Variants in CLIP1 observed in about 807,000 individuals in gnomAD.
CLIP1 encodes CAP-Gly domain containing linker protein 1, also known as CAP-Gly domain-containing linker protein 1.
In CLIP1, 66 loss-of-function variants were observed where a neutral mutation model predicts 161.6. The observed-to-expected ratio is 0.41, with a 90% CI of 0.33 to 0.50. CLIP1 has a LOEUF of 0.50. CLIP1 is among the 20% of genes least tolerant of loss of function. CLIP1 has a pLI of 0.27. For synonymous variants in CLIP1, 598 were observed against 626.2 expected, an observed-to-expected ratio of 0.96 and a Z score of 0.67; for missense variants, 1,376 against 1,702.0, an observed-to-expected ratio of 0.81 and a Z score of 3.37.
chr12:122,345,943 G>A (rs1043747122), intron 10 of CLIP1, among the ~76,000 whole-genome samples: 2 of 151,930 alleles, frequency 1.3e-5, no homozygotes, highest in Admixed American at 1.3e-4. Flanking sequence ...GTGTCACCAC[G>A]CCCGGATAAT....
chr12:122,352,994 T>TAA (rs55873939), intron 7 of CLIP1, among the ~76,000 whole-genome samples: 2,458 of 138,246 alleles, frequency 0.018, 60 homozygotes, highest in African/African-American at 0.058. Context: ...TCCTTATATT[T>TAA]AAAAAAAAAA....
rs1181508437 is a variant in CLIP1, at chr12:122,311,051, C to T, written c.3474-1169G>A. ...AAGATAAACTGAGAAGGAATTTTAG[C>T]CTCAGCTAGTCACTCACAAAAGAGA... On this transcript the variant is annotated intron_variant, in intron 19 of 25. Coordinates refer to ENST00000620786, the MANE Select transcript of CLIP1 (RefSeq NM_001247997.2). The surrounding 1 kb of genome is among the most constrained non-coding windows in gnomAD (Gnocchi z 4.3). 6.6e-6 allele frequency among the ~76,000 whole-genome samples: 1 copy of T among 152,110 alleles called. No individual in the cohort carries two copies. The highest frequency in any genetic ancestry group is 1.5e-5 in the Non-Finnish European group (1 of 68,024).
Position 122,364,162 on chromosome 12 carries a change from G to A in CLIP1, c.658-55C>T, listed in dbSNP as rs184187536. ...ATGAACATCACTCTATAGCTTAATC[G>A]TTTGTGGTCCCTACTAGTAACTAGG... On this transcript the variant is annotated intron_variant, in intron 3 of 25. Transcript: ENST00000620786. The A allele has an allele frequency of 5.0e-6, 8 of 1,606,766 alleles. No individual in the cohort carries two copies. In the South Asian group the frequency reaches 5.5e-5, roughly 11 times the overall value.
chr12:122,407,113 C>G (rs1956350830), intron 1 of CLIP1, among the ~76,000 whole-genome samples: 1 of 152,128 alleles, frequency 6.6e-6, no homozygotes, highest in African/African-American at 2.4e-5. Context: ...CCCAGAAGAA[C>G]TTACTTAATG....
At position 122,348,400 on chromosome 12, in the gene CLIP1, T is replaced by C. The variant is rs148402577; in HGVS notation, c.1402-921A>G. On this transcript the variant is annotated intron_variant, in intron 9 of 25. Transcript: ENST00000620786. Reference sequence around the variant, plus strand: ...TTATTTTTACCTTAAGATGAAGTTGTTTTTATTAGCTCAGACATAAAAACG... The same window carrying C: ...TTATTTTTACCTTAAGATGAAGTTGCTTTTATTAGCTCAGACATAAAAACG... Among the ~76,000 whole-genome samples the C allele has an allele frequency of 3.8e-3, 573 of 152,310 alleles. 2 individuals are homozygous for C. Among genetic ancestry groups the C allele is most frequent in the African/African-American group, 0.013 (548 of 41,568 alleles).
chr12:122,300,885 C>T lies in CLIP1; in HGVS notation c.3594+8877G>A, dbSNP rs554979471. On this transcript the variant is annotated intron_variant, in intron 20 of 25. Coordinates refer to ENST00000620786, the MANE Select transcript of CLIP1 (RefSeq NM_001247997.2). Reference sequence around the variant, plus strand: ...CACCAAATGATCAAAATTAACATCACCAATAATGGGACAAAGGAACATCAC... The same window carrying T: ...CACCAAATGATCAAAATTAACATCATCAATAATGGGACAAAGGAACATCAC... Among the ~76,000 whole-genome samples, 3 of 152,220 alleles carry T rather than the reference C, an allele frequency of 2.0e-5. No individual in the cohort carries two copies. In the South Asian group the frequency reaches 6.2e-4, roughly 32 times the overall value.
intron 9 of CLIP1, among the ~76,000 whole-genome samples, chr12:122,348,458 C>A (rs1221746843): frequency 6.6e-6 from 1 of 152,178 alleles, no homozygotes; most frequent in Non-Finnish European, 1.5e-5. Flanking sequence ...TTTGAGCTCT[C>A]TCAAAAAGAG....
intron 7 of CLIP1, among the ~76,000 whole-genome samples, chr12:122,353,691 C>T (rs572155399): frequency 9.9e-5 from 15 of 151,840 alleles, no homozygotes; most frequent in Non-Finnish European, 1.8e-4. Flanking sequence ...AGTGCAGTGG[C>T]GCGATCTCGG....
At position 122,354,476 on chromosome 12, in the gene CLIP1, G is replaced by A. The variant is rs1284969092; in HGVS notation, c.1284C>T (p.Leu428=). Residue 428 remains leucine, a synonymous_variant, in exon 7 of 26, where the codon CTC becomes CTT. Coordinates refer to ENST00000620786, the MANE Select transcript of CLIP1 (RefSeq NM_001247997.2). The stretch of plus-strand genomic sequence containing the variant: ...ACCTTTTCTCCTCTTCAAGCTGGTT[G>A]AGAAGCTCCACCTTCTCCCTGTCAG... ...EAADREKVEL[L]NQLEEEKRKV... 2 of 1,613,606 alleles carry A rather than the reference G, an allele frequency of 1.2e-6. No individual in the cohort carries two copies. Among genetic ancestry groups the A allele is most frequent in the African/African-American group, 1.3e-5 (1 of 74,908 alleles).
At chr12:122,328,463 A>G (rs374249485) in intron 15 of CLIP1, 37 bp from the exon 16 acceptor site, 5 of 1,328,578 alleles carry the variant, frequency 3.8e-6, no homozygotes, top group Non-Finnish European at 5.1e-6. Context: ...CAGATTTTTC[A>G]TAAGAATGTT....
chr12:122,350,834 G>A (rs374702582), intron 9 of CLIP1, among the ~76,000 whole-genome samples: 13 of 151,622 alleles, frequency 8.6e-5, no homozygotes, highest in African/African-American at 2.2e-4. Context: ...CAGGTCTCCA[G>A]ACAAAAAACA....
intron 11 of CLIP1, among the ~76,000 whole-genome samples, chr12:122,339,787 T>C (rs1034072134): frequency 6.6e-6 from 1 of 152,168 alleles, no homozygotes; most frequent in Non-Finnish European, 1.5e-5. Flanking sequence ...AGGGTGCACT[T>C]ACACACACCT....
At chr12:122,285,484 G>A (rs1292614240) in intron 21 of CLIP1, among the ~76,000 whole-genome samples, 2 of 151,982 alleles carry the variant, frequency 1.3e-5, no homozygotes, top group African/African-American at 4.8e-5. Flanking sequence ...CACCCACCTC[G>A]GCCTCCCAAA....
At chr12:122,322,539 G>A (rs1016845656) in intron 17 of CLIP1, 1 of 152,682 alleles carries the variant, frequency 6.5e-6, no homozygotes, top group African/African-American at 2.4e-5. Context: ...GCAGTCAACA[G>A]TTCCTTCTCC....
chr12:122,321,427 G>A (rs977278458), intron 17 of CLIP1, among the ~76,000 whole-genome samples: 1 of 151,890 alleles, frequency 6.6e-6, no homozygotes, highest in Non-Finnish European at 1.5e-5. Context: ...TGTATTTTTA[G>A]TAGAGACAGG....
At chr12:122,420,289 G>A (rs1000452835) in intron 1 of CLIP1, among the ~76,000 whole-genome samples, 2 of 151,398 alleles carry the variant, frequency 1.3e-5, no homozygotes, top group Non-Finnish European at 2.9e-5. Flanking sequence ...AGGTTGCAGT[G>A]AGCCGAGATC....
chr12:122,330,229 C>A (rs1951885519), intron 15 of CLIP1, among the ~76,000 whole-genome samples: 1 of 152,166 alleles, frequency 6.6e-6, no homozygotes, highest in Non-Finnish European at 1.5e-5. Flanking sequence ...TTTATAGCCA[C>A]AAAATACCTA....
At chr12:122,301,719 C>T (rs1442256437) in intron 20 of CLIP1, among the ~76,000 whole-genome samples, 2 of 152,172 alleles carry the variant, frequency 1.3e-5, no homozygotes, top group Admixed American at 6.5e-5. Flanking sequence ...CCATAAACCC[C>T]ACAGCTGTGT....
intron 7 of CLIP1, among the ~76,000 whole-genome samples, chr12:122,353,044 A>C (rs1000852222): frequency 1.3e-5 from 2 of 152,082 alleles, no homozygotes; most frequent in African/African-American, 4.8e-5. Context: ...ATTCAAGCAG[A>C]CAGCCACCAG....
Sources: gnomAD v4.1 joint callset for allele counts (sites outside exome capture counted in the v4.1 genomes callset) on GRCh38, gnomAD v4.1.1 for gene constraint, Gnocchi (gnomAD v3.1) non-coding constraint, MANE v1.5 for transcripts, NCBI Gene and HGNC (gene_info 2026-07-23, HGNC 2026-07-21) for gene names.